NRG1: variants seen among roughly 807,000 people sequenced by gnomAD.
NRG1 encodes the protein pro-neuregulin-1, membrane-bound isoform.
In NRG1, 18 loss-of-function variants were observed where a neutral mutation model predicts 63.8. The ratio of observed to expected loss-of-function variants is 0.28; its 90% CI spans 0.19 to 0.42. The LOEUF (loss-of-function observed/expected upper bound fraction) is 0.42. Among genes scored for constraint, NRG1 ranks in the 10% least tolerant of loss-of-function variants. NRG1 has a pLI of 1.00. For synonymous variants in NRG1, 302 were observed against 301.3 expected, an observed-to-expected ratio of 1.00 and a Z score of -0.02; for missense variants, 762 against 814.7, an observed-to-expected ratio of 0.94 and a Z score of 0.79.
At chr8:31,679,905 G>T (rs1274502298) in intron 1 of NRG1, among the ~76,000 whole-genome samples, 2 of 151,992 alleles carry the variant, frequency 1.3e-5, no homozygotes, top group Non-Finnish European at 2.9e-5. Context: ...TTGCATTTCT[G>T]TACTTTGCTA....
intron 1 of NRG1, among the ~76,000 whole-genome samples, chr8:31,770,214 G>A (rs922557733): frequency 2.0e-5 from 3 of 152,172 alleles, no homozygotes; most frequent in Admixed American, 6.5e-5. Flanking sequence ...CCTTGAGTTA[G>A]AAAGGTACAC....
rs1040577986 is a variant in NRG1, at chr8:32,575,000, A to G, written c.101-20828A>G. ...GAGTTCTCTGCTTTCAGGGAACTCC[A>G]GATGACTCAGGAACAGAAGTAAACC... On this transcript the variant is annotated intron_variant, in intron 1 of 11. Coordinates refer to ENST00000356819, the Ensembl canonical transcript of NRG1. 4.6e-5 allele frequency among the ~76,000 whole-genome samples: 7 copies of G among 152,214 alleles called. No individual in the cohort carries two copies. The East Asian group carries it at 1.2e-3, about 25-fold the overall frequency.
Position 32,019,592 on chromosome 8 carries a change from T to C in NRG1, c.37+380161T>C, listed in dbSNP as rs185172232. On this transcript the variant is annotated intron_variant, in intron 1 of 10. Transcript: ENST00000519301. ...TTGTGTTTAGTTCTTTGTGTTTGTT[T>C]GTTGAAACTTTGCTTACCTGCCAAA... Among the ~76,000 whole-genome samples, 448 of 152,356 alleles carry C rather than the reference T, an allele frequency of 2.9e-3. 5 individuals carry two copies. The highest frequency in any genetic ancestry group is 0.02 in the Middle Eastern group (6 of 294).
chr8:32,330,487 G>A (rs114085752), intron 1 of NRG1, among the ~76,000 whole-genome samples: 2,318 of 152,310 alleles, frequency 0.015, 56 homozygotes, highest in African/African-American at 0.053. Flanking sequence ...AGGATGTGGA[G>A]GAGGAAGATG....
At chr8:31,767,847 C>CAAAAA (rs55792550) in intron 1 of NRG1, among the ~76,000 whole-genome samples, 1 of 104,416 alleles carries the variant, frequency 9.6e-6, no homozygotes, top group Non-Finnish European at 1.9e-5. Flanking sequence ...AACTCTTTCT[C>CAAAAA]AAAAAAAAAA....
chr8:32,739,743 A>C (rs147049191), intron 6 of NRG1, among the ~76,000 whole-genome samples: 58 of 152,172 alleles, frequency 3.8e-4, no homozygotes, highest in African/African-American at 1.4e-3. Flanking sequence ...TTCCTTAGCT[A>C]TTTGTTAATT....
intron 1 of NRG1, among the ~76,000 whole-genome samples, chr8:32,159,235 G>C (rs1205774952): frequency 2.0e-5 from 3 of 152,212 alleles, no homozygotes; most frequent in Admixed American, 6.5e-5. Context: ...TTTAGTTTTT[G>C]TTTTAAGAAA....
chr8:31,829,752 C>T (rs923726909), intron 1 of NRG1, among the ~76,000 whole-genome samples: 1 of 152,148 alleles, frequency 6.6e-6, no homozygotes, highest in Non-Finnish European at 1.5e-5. Flanking sequence ...ACGTAGGAAC[C>T]TGCTTCTTCT....
At chr8:32,359,049 C>T (rs536192829) in intron 1 of NRG1, among the ~76,000 whole-genome samples, 18 of 152,084 alleles carry the variant, frequency 1.2e-4, no homozygotes, top group African/African-American at 3.6e-4. Flanking sequence ...GTGAATAGCC[C>T]TCCTTGTAGC....
At chr8:31,785,012 C>T (rs142674397) in intron 1 of NRG1, among the ~76,000 whole-genome samples, 3 of 152,120 alleles carry the variant, frequency 2.0e-5, no homozygotes, top group Non-Finnish European at 4.4e-5. Context: ...AGAGCAGGGA[C>T]TCTGTTCATT....
intron 1 of NRG1, among the ~76,000 whole-genome samples, chr8:32,211,135 T>TA (rs1484732416): frequency 6.6e-6 from 1 of 152,184 alleles, no homozygotes; most frequent in Non-Finnish European, 1.5e-5. Context: ...GTGTTTCTTA[T>TA]AGCCCTTTTT....
intron 1 of NRG1, among the ~76,000 whole-genome samples, chr8:32,412,918 G>A (rs1815315561): frequency 6.6e-6 from 1 of 152,038 alleles, no homozygotes; most frequent in Non-Finnish European, 1.5e-5. Context: ...TCTGAAATAG[G>A]TACTATTGTT....
At chr8:31,820,319 C>G (rs559381039) in intron 1 of NRG1, among the ~76,000 whole-genome samples, 125 of 152,246 alleles carry the variant, frequency 8.2e-4, no homozygotes, top group Middle Eastern at 6.8e-3. Flanking sequence ...GCCCTTCCTC[C>G]CCTCCAGAGA....
intron 1 of NRG1, among the ~76,000 whole-genome samples, chr8:31,971,449 G>A (rs1807262806): frequency 6.6e-6 from 1 of 152,018 alleles, no homozygotes. Flanking sequence ...ATGGATTAAG[G>A]TTTGAGAACA....
At chr8:32,572,092 C>G (rs1838710124) in intron 1 of NRG1, among the ~76,000 whole-genome samples, 1 of 152,164 alleles carries the variant, frequency 6.6e-6, no homozygotes. Flanking sequence ...CTTTTTACCA[C>G]AAGTGTTTTT....
chr8:32,269,398 A>G (rs893256973), intron 1 of NRG1, among the ~76,000 whole-genome samples: 1 of 152,176 alleles, frequency 6.6e-6, no homozygotes, highest in African/African-American at 2.4e-5. Flanking sequence ...ACCCCTGGGA[A>G]TTGTGAATGT....
intron 1 of NRG1, among the ~76,000 whole-genome samples, chr8:31,959,838 T>TTCAG (rs1235764954): frequency 6.8e-6 from 1 of 146,258 alleles, no homozygotes. Context: ...TATTTATTTA[T>TTCAG]TATAGAGATG....
intron 1 of NRG1, among the ~76,000 whole-genome samples, chr8:32,235,572 G>T (rs942416556): frequency 6.6e-6 from 1 of 152,130 alleles, no homozygotes; most frequent in African/African-American, 2.4e-5. Context: ...TCTAGGATGA[G>T]ACCAGAAGGG....
chr8:32,622,904 G>T (rs373275731), intron 5 of NRG1, among the ~76,000 whole-genome samples: 5 of 152,268 alleles, frequency 3.3e-5, no homozygotes, highest in East Asian at 3.9e-4. Flanking sequence ...CTTCAACAAC[G>T]TTGGAAAATG....
Sources: gnomAD v4.1 joint callset for allele counts (sites outside exome capture counted in the v4.1 genomes callset) on GRCh38, gnomAD v4.1.1 for gene constraint, MANE v1.5 for transcripts, NCBI Gene and HGNC (gene_info 2026-07-23, HGNC 2026-07-21) for gene names.